Variants in ADK observed in about 807,000 individuals in gnomAD.
ADK encodes N6,N6-dimethyladenosine kinase.
Under a neutral mutation model 44.7 loss-of-function variants are expected in ADK, and 24 were observed. That is an observed-to-expected ratio of 0.54 (90% CI 0.39 to 0.76). The LOEUF (loss-of-function observed/expected upper bound fraction) is 0.76, where lower values mean the gene tolerates loss of function less well. Among genes scored for constraint, ADK ranks in the 30% least tolerant of loss-of-function variants. The pLI is 0.00. For synonymous variants in ADK, 128 were observed against 142.6 expected, an observed-to-expected ratio of 0.90 and a Z score of 0.73; for missense variants, 321 against 425.1, an observed-to-expected ratio of 0.76 and a Z score of 2.15.
At chr10:74,505,614 A>G (rs1412173377) in intron 6 of ADK, among the ~76,000 whole-genome samples, 4 of 151,340 alleles carry the variant, frequency 2.6e-5, no homozygotes, top group Non-Finnish European at 5.9e-5. Flanking sequence ...ACCATTGGAC[A>G]CAGTTTTTCT....
At chr10:74,557,481 C>T (rs1245588004) in intron 7 of ADK, among the ~76,000 whole-genome samples, 1 of 152,132 alleles carries the variant, frequency 6.6e-6, no homozygotes, top group African/African-American at 2.4e-5. Context: ...AAAATCTGGA[C>T]ATCATAGAAA....
rs1564642378 is a variant in ADK, at chr10:74,302,130, T to G, written c.195-12537T>G. On this transcript the variant is annotated intron_variant, in intron 3 of 10. Coordinates refer to ENST00000539909, the MANE Select transcript of ADK (RefSeq NM_006721.4). The stretch of plus-strand genomic sequence containing the variant: ...GTTTGTTTTTTTTTTTTTTTTTTTT[T>G]TTTTTTTTTTTTTTTTGAGATGGAG... 2.2e-4 allele frequency among the ~76,000 whole-genome samples: 16 copies of G among 72,370 alleles called. 1 individual carries two copies. The highest frequency in any genetic ancestry group is 4.1e-4 in the African/African-American group (10 of 24,596). The allele number at this position is 72,370 out of a possible 152,430, so 47.5% of individuals were successfully genotyped here.
chr10:74,547,344 A>C (rs1589236583), intron 7 of ADK, among the ~76,000 whole-genome samples: 1 of 151,460 alleles, frequency 6.6e-6, no homozygotes, highest in East Asian at 1.9e-4. Flanking sequence ...CCTTCATGCC[A>C]TTGCATTTAT....
At chr10:74,236,654 A>C (rs1056976102) in intron 3 of ADK, among the ~76,000 whole-genome samples, 5 of 152,320 alleles carry the variant, frequency 3.3e-5, no homozygotes, top group African/African-American at 9.6e-5. Flanking sequence ...TGGTTTTCCT[A>C]TACAGGCACA....
At chr10:74,380,911 C>T (rs1842960487) in intron 4 of ADK, among the ~76,000 whole-genome samples, 1 of 151,970 alleles carries the variant, frequency 6.6e-6, no homozygotes, top group African/African-American at 2.4e-5. Flanking sequence ...GCACCCTCAC[C>T]CTGTTTTTCT....
intron 3 of ADK, among the ~76,000 whole-genome samples, chr10:74,286,552 A>G (rs775639508): frequency 1.2e-4 from 19 of 152,206 alleles, no homozygotes; most frequent in Non-Finnish European, 2.8e-4. Context: ...GTAACAATTT[A>G]TTTTTTGGCA....
chr10:74,228,047 A>G (rs891196138), intron 3 of ADK, among the ~76,000 whole-genome samples: 1 of 152,124 alleles, frequency 6.6e-6, no homozygotes, highest in African/African-American at 2.4e-5. Flanking sequence ...AGAGAGTACA[A>G]TGATAGTTCT....
intron 4 of ADK, among the ~76,000 whole-genome samples, chr10:74,376,686 A>G (rs1164324083): frequency 6.6e-6 from 1 of 151,856 alleles, no homozygotes; most frequent in African/African-American, 2.4e-5. Flanking sequence ...ATAGCCTTTT[A>G]CAGTAAGTTT....
chr10:74,672,147 A>G (rs1855212543), intron 10 of ADK, among the ~76,000 whole-genome samples: 1 of 152,188 alleles, frequency 6.6e-6, no homozygotes, highest in Non-Finnish European at 1.5e-5. Flanking sequence ...TTGTTGGGGT[A>G]TAGTTAGGTA....
chr10:74,390,166 T>C (rs531743556), intron 4 of ADK, among the ~76,000 whole-genome samples: 175 of 152,252 alleles, frequency 1.1e-3, no homozygotes, highest in African/African-American at 4.1e-3. Flanking sequence ...TTCTGCTAAA[T>C]TTATACTTTC....
At chr10:74,450,159 T>A (rs1224590667) in intron 6 of ADK, among the ~76,000 whole-genome samples, 1 of 151,940 alleles carries the variant, frequency 6.6e-6, no homozygotes, top group Non-Finnish European at 1.5e-5. Flanking sequence ...ATTAAAAAAA[T>A]AAAAATTAGC....
intron 4 of ADK, among the ~76,000 whole-genome samples, chr10:74,337,133 T>C (rs1430381146): frequency 6.6e-6 from 1 of 152,210 alleles, no homozygotes; most frequent in Non-Finnish European, 1.5e-5. Context: ...GCAAGGATTT[T>C]AGAACAAAGT....
At chr10:74,568,198 T>G (rs1176715693) in intron 7 of ADK, among the ~76,000 whole-genome samples, 1 of 152,184 alleles carries the variant, frequency 6.6e-6, no homozygotes, top group Non-Finnish European at 1.5e-5. Flanking sequence ...TTTGTACATT[T>G]TATGTGTGGC....
chr10:74,540,805 A>G (rs1486695171), intron 7 of ADK, among the ~76,000 whole-genome samples: 1 of 152,104 alleles, frequency 6.6e-6, no homozygotes, highest in African/African-American at 2.4e-5. Flanking sequence ...TGACATCCTT[A>G]TAAATAAAAA....
At chr10:74,336,686 G>A (rs1052414710) in intron 4 of ADK, among the ~76,000 whole-genome samples, 8 of 152,184 alleles carry the variant, frequency 5.3e-5, no homozygotes, top group Admixed American at 5.2e-4. Flanking sequence ...TAAGGGATTG[G>A]TTCTAGGACC....
At chr10:74,523,264 G>A (rs553873591) in intron 6 of ADK, among the ~76,000 whole-genome samples, 1 of 152,268 alleles carries the variant, frequency 6.6e-6, no homozygotes, top group Admixed American at 6.5e-5. Context: ...ATGAAGCTTT[G>A]AAAATAATTA....
chr10:74,639,706 T>C (rs940161525), intron 9 of ADK, among the ~76,000 whole-genome samples: 4 of 151,998 alleles, frequency 2.6e-5, no homozygotes, highest in African/African-American at 9.7e-5. Flanking sequence ...CGTGGTGGCA[T>C]GTACCTGTAA....
chr10:74,571,668 T>C (rs1226659571), intron 7 of ADK, among the ~76,000 whole-genome samples: 1 of 152,226 alleles, frequency 6.6e-6, no homozygotes, highest in Non-Finnish European at 1.5e-5. Context: ...ATTTGATTCT[T>C]CTCTCTTTTT....
chr10:74,220,864 A>G (rs201028161), intron 2 of ADK, among the ~76,000 whole-genome samples: 111,392 of 151,502 alleles, frequency 0.74, 41,667 homozygotes, highest in Middle Eastern at 0.85. Flanking sequence ...TTGATGGGAC[A>G]TATCTCAAAA....
Sources: gnomAD v4.1 joint callset for allele counts (sites outside exome capture counted in the v4.1 genomes callset) on GRCh38, gnomAD v4.1.1 for gene constraint, MANE v1.5 for transcripts, NCBI Gene and HGNC (gene_info 2026-07-23, HGNC 2026-07-21) for gene names.